Variants in LRRC4C observed in about 807,000 individuals in gnomAD.
LRRC4C encodes the protein leucine-rich repeat-containing protein 4C.
In LRRC4C, 5 loss-of-function variants were observed where a neutral mutation model predicts 33.6. The ratio of observed to expected loss-of-function variants is 0.15; its 90% CI spans 0.08 to 0.31. LRRC4C has a LOEUF of 0.31. Among genes scored for constraint, LRRC4C ranks in the 10% least tolerant of loss-of-function variants. The pLI is 1.00. For synonymous variants in LRRC4C, 329 were observed against 302.0 expected, an observed-to-expected ratio of 1.09 and a Z score of -0.93; for missense variants, 560 against 796.7, an observed-to-expected ratio of 0.70 and a Z score of 3.58.
intron 2 of LRRC4C, among the ~76,000 whole-genome samples, chr11:40,659,760 G>T (rs1479257572): frequency 6.6e-6 from 1 of 152,158 alleles, no homozygotes; most frequent in Non-Finnish European, 1.5e-5. Flanking sequence ...TCCACTTTGG[G>T]TCTTGCCTGC....
At position 40,928,998 on chromosome 11, in the gene LRRC4C, A is replaced by T. The variant is rs567187071; in HGVS notation, c.-407+4637T>A. ...CTACAAGGTTAAATTTAATATCAAGAACTGCCTCTTTCCTCTAATACCAAT... is the reference window on the plus strand; with the variant it reads ...CTACAAGGTTAAATTTAATATCAAGTACTGCCTCTTTCCTCTAATACCAAT... On this transcript the variant is annotated intron_variant, in intron 2 of 6. Coordinates refer to ENST00000528697, the MANE Select transcript of LRRC4C (RefSeq NM_001258419.2). Among the ~76,000 whole-genome samples the T allele has an allele frequency of 6.6e-5, 10 of 152,286 alleles. No individual in the cohort carries two copies. In the South Asian group the frequency reaches 1.0e-3, roughly 16 times the overall value.
At chr11:40,232,198 G>T (rs572991276) in intron 5 of LRRC4C, among the ~76,000 whole-genome samples, 4 of 152,230 alleles carry the variant, frequency 2.6e-5, no homozygotes, top group Middle Eastern at 3.4e-3. Context: ...TAAAGACGAG[G>T]TTTCGCCATG....
chr11:40,635,556 A>C (rs994780909), intron 3 of LRRC4C, among the ~76,000 whole-genome samples: 3 of 152,144 alleles, frequency 2.0e-5, no homozygotes, highest in African/African-American at 7.2e-5. Flanking sequence ...GGAGCTCATA[A>C]TCAGTAGGGG....
At chr11:41,176,074 C>G (rs1394453889) in intron 1 of LRRC4C, among the ~76,000 whole-genome samples, 1 of 152,090 alleles carries the variant, frequency 6.6e-6, no homozygotes, top group Non-Finnish European at 1.5e-5. Context: ...TCTTCGCCAA[C>G]TAAAACTAAA....
chr11:40,998,583 A>T (rs1854144728), intron 1 of LRRC4C, among the ~76,000 whole-genome samples: 2 of 152,168 alleles, frequency 1.3e-5, no homozygotes, highest in African/African-American at 4.8e-5. Flanking sequence ...AGTCCTGATT[A>T]GGCCTATGAC....
intron 1 of LRRC4C, among the ~76,000 whole-genome samples, chr11:40,964,524 C>A (rs1851202216): frequency 8.7e-6 from 1 of 115,392 alleles, no homozygotes; most frequent in Non-Finnish European, 1.7e-5. Context: ...TTCCCCCTCC[C>A]CCCACCCCAC....
chr11:40,504,189 A>G (rs963758871), intron 3 of LRRC4C, among the ~76,000 whole-genome samples: 6 of 152,036 alleles, frequency 3.9e-5, no homozygotes, highest in African/African-American at 1.2e-4. Flanking sequence ...ATCATCTGGC[A>G]TTTTGTAAAA....
intron 5 of LRRC4C, among the ~76,000 whole-genome samples, chr11:40,236,614 G>GA (rs1430419456): frequency 6.6e-6 from 1 of 152,042 alleles, no homozygotes; most frequent in Non-Finnish European, 1.5e-5. Flanking sequence ...GGGAAAGGCA[G>GA]AAAAAAGGTC....
intron 3 of LRRC4C, among the ~76,000 whole-genome samples, chr11:40,455,133 C>A (rs1386073288): frequency 3.3e-5 from 5 of 152,100 alleles, no homozygotes; most frequent in Admixed American, 3.3e-4. Context: ...AAAATCACAC[C>A]AGGTGAAAAA....
chr11:41,194,334 G>T (rs765212777), intron 1 of LRRC4C, among the ~76,000 whole-genome samples: 3 of 151,870 alleles, frequency 2.0e-5, no homozygotes, highest in Non-Finnish European at 4.4e-5. Flanking sequence ...ATTGTTCAAG[G>T]GTCAACTATA....
chr11:40,131,508 G>A (rs950310565), intron 6 of LRRC4C, among the ~76,000 whole-genome samples: 3 of 152,144 alleles, frequency 2.0e-5, no homozygotes, highest in Non-Finnish European at 2.9e-5. Context: ...GAATAAATAT[G>A]TGGCCTCAAG....
intron 1 of LRRC4C, among the ~76,000 whole-genome samples, chr11:41,157,671 T>G (rs1944292960): frequency 6.6e-6 from 1 of 152,106 alleles, no homozygotes; most frequent in Admixed American, 6.6e-5. Flanking sequence ...GAAAACAAAA[T>G]AAGCACACAG....
At chr11:41,190,624 C>G (rs7928273) in intron 1 of LRRC4C, among the ~76,000 whole-genome samples, 1 of 152,070 alleles carries the variant, frequency 6.6e-6, no homozygotes, top group Non-Finnish European at 1.5e-5. Flanking sequence ...GGCTAAACAA[C>G]GGTAAAATGA....
Position 40,524,572 on chromosome 11 carries a change from C to A in LRRC4C, c.-270+123570G>T, listed in dbSNP as rs1368004903. Among the ~76,000 whole-genome samples the A allele has an allele frequency of 2.6e-5, 4 of 152,152 alleles. No individual in the cohort carries two copies. In the East Asian group the frequency reaches 7.7e-4, roughly 29 times the overall value. On this transcript the variant is annotated intron_variant, in intron 3 of 6. Transcript: ENST00000528697. Reference sequence around the variant, plus strand: ...CAGAAAAATTTATTATTAATCAAGACTGCAATGACATTTTATATTCTTAAA... The same window carrying A: ...CAGAAAAATTTATTATTAATCAAGAATGCAATGACATTTTATATTCTTAAA...
intron 3 of LRRC4C, among the ~76,000 whole-genome samples, chr11:40,416,948 T>G (rs573571245): frequency 7.6e-4 from 116 of 152,346 alleles, no homozygotes; most frequent in Non-Finnish European, 1.3e-3. Context: ...CTTTGGAAGA[T>G]TCACTATGCC....
chr11:41,093,074 A>C (rs943037171), intron 1 of LRRC4C, among the ~76,000 whole-genome samples: 4 of 152,244 alleles, frequency 2.6e-5, no homozygotes, highest in African/African-American at 9.6e-5. Context: ...ACACCCATAG[A>C]GTAATCTGTT....
chr11:41,255,993 G>A (rs531351830), intron 1 of LRRC4C, among the ~76,000 whole-genome samples: 1 of 151,826 alleles, frequency 6.6e-6, no homozygotes, highest in Non-Finnish European at 1.5e-5. Context: ...AAACAAAAGG[G>A]CAACTTCTTT....
chr11:41,192,577 G>C (rs1268229395), intron 1 of LRRC4C, among the ~76,000 whole-genome samples: 3 of 152,018 alleles, frequency 2.0e-5, no homozygotes, highest in African/African-American at 7.2e-5. Context: ...AAGAAAATTT[G>C]TGATGCATCA....
At chr11:41,193,820 A>T (rs1460587793) in intron 1 of LRRC4C, among the ~76,000 whole-genome samples, 1 of 152,030 alleles carries the variant, frequency 6.6e-6, no homozygotes, top group African/African-American at 2.4e-5. Context: ...TTTTTTAACC[A>T]TATGGACCCT....
Sources: allele counts gnomAD v4.1 joint callset (sites outside exome capture counted in the v4.1 genomes callset), GRCh38; gene constraint gnomAD v4.1.1; transcripts MANE v1.5; gene names NCBI Gene and HGNC (gene_info 2026-07-23, HGNC 2026-07-21).